The following HCRTR1 variants were observed in gnomAD, a reference collection of about 807,000 sequenced individuals.
The protein encoded by HCRTR1 is orexin/Hypocretin receptor type 1.
A neutral mutation model predicts 40.6 loss-of-function variants in HCRTR1; 28 were observed. That is an observed-to-expected ratio of 0.69 (90% CI 0.51 to 0.95). The LOEUF (loss-of-function observed/expected upper bound fraction) is 0.95, where lower values mean the gene tolerates loss of function less well. Among genes scored for constraint, HCRTR1 ranks in the 40% least tolerant of loss-of-function variants. HCRTR1 has a pLI of 0.00. For missense variants in HCRTR1, 482 were observed against 564.7 expected, an observed-to-expected ratio of 0.85 and a Z score of 1.48; for synonymous variants, 209 against 230.0, an observed-to-expected ratio of 0.91 and a Z score of 0.83.
rs1047819328 is a variant in HCRTR1, at chr1:31,619,818, T to C, written c.378+108T>C. 3.9e-6 allele frequency: 4 copies of C among 1,022,632 alleles called. No homozygotes were observed. In the African/African-American group the frequency reaches 6.4e-5, roughly 16 times the overall value. The allele number at this position is 1,022,632 out of a possible 1,614,324, so 63.3% of individuals were successfully genotyped here. On this transcript the variant is annotated intron_variant, in intron 4 of 8. Coordinates refer to ENST00000403528, the MANE Select transcript of HCRTR1 (RefSeq NM_001525.3). ...CAGACTTGCCTTTCAGACAGGTCAG[T>C]GGCTCATGACCCCTGAAGTGTCATC...
intron 6 of HCRTR1, among the ~76,000 whole-genome samples, chr1:31,622,854 C>T (rs1447521798): frequency 1.3e-5 from 2 of 152,150 alleles, no homozygotes; most frequent in Non-Finnish European, 2.9e-5. Context: ...ACCCCCACCC[C>T]TACCCTCAAA....
chr1:31,622,704 G>A (rs958205946), intron 6 of HCRTR1, among the ~76,000 whole-genome samples: 8 of 152,156 alleles, frequency 5.3e-5, no homozygotes, highest in Non-Finnish European at 1.0e-4. Flanking sequence ...TGAGTGTCCG[G>A]TGGCAGGAGA....
At position 31,625,214 on chromosome 1, in the gene HCRTR1, G is replaced by A. The variant is rs1354369462; in HGVS notation, c.1087+96G>A. On this transcript the variant is annotated intron_variant, in intron 8 of 8. Transcript: ENST00000403528. The surrounding 1 kb of genome is among the most constrained non-coding windows in gnomAD (Gnocchi z 4.2). Reference sequence around the variant, plus strand: ...AGCCAGGGCCCAAATAAAGGATGGTGGGTGAGGATGTACCTGCTGTGGGCA... The same window carrying A: ...AGCCAGGGCCCAAATAAAGGATGGTAGGTGAGGATGTACCTGCTGTGGGCA... 3 of 1,374,368 alleles carry A rather than the reference G, an allele frequency of 2.2e-6. No individual in the cohort carries two copies. The South Asian group carries it at 4.4e-5, about 20-fold the overall frequency. The allele number at this position is 1,374,368 out of a possible 1,614,324, so 85.1% of individuals were successfully genotyped here.
chr1:31,631,441 A>G (rs1557583657), downstream of HCRTR1, among the ~76,000 whole-genome samples: 1 of 152,180 alleles, frequency 6.6e-6, no homozygotes, highest in Non-Finnish European at 1.5e-5. Flanking sequence ...GGTCTCTTGG[A>G]GCATCCTGTC....
chr1:31,621,523 C>T lies in HCRTR1; in HGVS notation c.669C>T (p.Thr223=). ...KIYHSCFFIV[T]YLAPLGLMAM... The stretch of plus-strand genomic sequence containing the variant: ...ACCACAGTTGCTTCTTTATTGTCAC[C>T]TACCTGGCCCCACTGGGCCTCATGG... The change falls in exon 6 of 9, where the codon ACC becomes ACT. Residue 223 remains threonine (T), a synonymous_variant. Transcript: ENST00000403528. 6.2e-7 allele frequency: 1 copy of T among 1,614,154 alleles called. No homozygotes were observed. Among genetic ancestry groups the T allele is most frequent in the Non-Finnish European group, 8.5e-7 (1 of 1,180,002 alleles).
At chr1:31,620,702 A>G (rs1639833643) in intron 4 of HCRTR1, 141 bp from the exon 5 acceptor site, 1 of 1,057,860 alleles carries the variant, frequency 9.5e-7, no homozygotes, top group African/African-American at 1.6e-5. Flanking sequence ...AGGGTGAGTG[A>G]CTTGCCCACA....
rs545611444 is a variant in HCRTR1 at position 31,619,651 on chromosome 1, G to A, written c.319G>A (p.Asp107Asn). The A allele has an allele frequency of 5.5e-5, 88 of 1,613,700 alleles. 2 individuals are homozygous for A. The Middle Eastern group carries it at 6.6e-4, about 12-fold the overall frequency. Residue 107 changes from aspartate to asparagine, a missense_variant, in exon 4 of 9, where the codon GAC becomes AAC. Asp to Asn is a conservative substitution (Grantham distance 23, BLOSUM62 1). Coordinates refer to ENST00000403528, the MANE Select transcript of HCRTR1 (RefSeq NM_001525.3). ...CTGCCTGCCGGCCAGCCTGCTGGTG[G>A]ACATCACTGAGTCCTGGCTGTTCGG... The part of the protein sequence containing the change: ...AICLPASLLV[D>N]ITESWLFGHA...
At chr1:31,630,214 A>T (rs1339597700), downstream of HCRTR1, 5 of 249,384 alleles carry the variant, frequency 2.0e-5, no homozygotes, top group African/African-American at 1.1e-4. Context: ...GGCTCGTTTG[A>T]CAGGATGGCC....
chr1:31,630,785 C>G, downstream of HCRTR1: 1 of 1,613,630 alleles, frequency 6.2e-7, no homozygotes. Flanking sequence ...TGGGCAGTAG[C>G]GGGAGACCAG....
At chr1:31,632,444 GAGA>G, downstream of HCRTR1, 1 of 1,613,762 alleles carries the variant, frequency 6.2e-7, no homozygotes, top group Non-Finnish European at 8.5e-7. Context: ...AGGGTGTAAA[GAGA>G]AGAGTCTAGC....
downstream of HCRTR1, chr1:31,627,670 A>G (rs539248242): frequency 1.8e-5 from 5 of 279,598 alleles, no homozygotes; most frequent in South Asian, 6.6e-5. Context: ...GGAGCAGAAG[A>G]AGGTGGGGAA....
downstream of HCRTR1, chr1:31,633,415 A>T: frequency 1.1e-5 from 14 of 1,261,840 alleles, no homozygotes; most frequent in Non-Finnish European, 1.5e-5. Flanking sequence ...AGCTTCACAA[A>T]TTCACCTTCC....
rs528253942 is a variant in HCRTR1 at position 31,626,407 on chromosome 1, T to C, written c.1088-383T>C. On this transcript the variant is annotated intron_variant, in intron 8 of 8. Coordinates refer to ENST00000403528, the MANE Select transcript of HCRTR1 (RefSeq NM_001525.3). This position sits in a 1 kb window ranked among gnomAD's most constrained non-coding sequence, Gnocchi z 4.6. ...CTGCCAAATGCAAAAGGGCTGCTGC[T>C]GCCGTCATTTTCATCATCAAAGGGC... Among the ~76,000 whole-genome samples, 33 of 152,326 alleles carry C rather than the reference T, an allele frequency of 2.2e-4. No individual in the cohort carries two copies. The highest frequency in any genetic ancestry group is 3.4e-3 in the Middle Eastern group (1 of 294).
intron 6 of HCRTR1, among the ~76,000 whole-genome samples, chr1:31,622,274 T>C (rs1363956869): frequency 6.6e-6 from 1 of 152,032 alleles, no homozygotes; most frequent in Non-Finnish European, 1.5e-5. Context: ...AGTCCTGGAT[T>C]GGCGTCTGGG....
rs6663012 is a variant in HCRTR1, at chr1:31,626,178, T to A, written c.1088-612T>A. On this transcript the variant is annotated intron_variant, in intron 8 of 8. Coordinates refer to ENST00000403528, the MANE Select transcript of HCRTR1 (RefSeq NM_001525.3). This position sits in a 1 kb window ranked among gnomAD's most constrained non-coding sequence, Gnocchi z 4.6. Reference sequence around the variant, plus strand: ...TCCCTGGTATACTTGGGCTGAATAATGTGGTGTGGTGGTCCCTCCTTCCCT... The same window carrying A: ...TCCCTGGTATACTTGGGCTGAATAAAGTGGTGTGGTGGTCCCTCCTTCCCT... 1.3e-5 allele frequency among the ~76,000 whole-genome samples: 2 copies of A among 151,976 alleles called. No homozygotes were observed. The highest frequency in any genetic ancestry group is 2.9e-5 in the Non-Finnish European group (2 of 67,966).
chr1:31,634,210 A>G (rs1290017497), downstream of HCRTR1, among the ~76,000 whole-genome samples: 3 of 152,162 alleles, frequency 2.0e-5, no homozygotes, highest in East Asian at 1.9e-4. Context: ...TTCCTAAAAC[A>G]TCGGTGTCAT....
At position 31,627,147 on chromosome 1, in the gene HCRTR1, T is replaced by G; in HGVS notation, c.*167T>G. On this transcript the variant is annotated 3_prime_UTR_variant, in exon 9 of 9. Transcript: ENST00000403528. ...GCTTGTGTCCCCTAAGCAGGGTTGATGTGAGGATTAAGCATGCTGAAGCAA... is the reference window on the plus strand; with the variant it reads ...GCTTGTGTCCCCTAAGCAGGGTTGAGGTGAGGATTAAGCATGCTGAAGCAA... The G allele has an allele frequency of 1.4e-6, 2 of 1,415,080 alleles. No individual in the cohort carries two copies. 87.7% of individuals were successfully genotyped at this position (1,415,080 alleles called of 1,614,324 possible).
chr1:31,623,312 A>AG (rs1557578483), intron 6 of HCRTR1, among the ~76,000 whole-genome samples: 1 of 146,814 alleles, frequency 6.8e-6, no homozygotes, highest in Non-Finnish European at 1.5e-5. Context: ...AAAAAAAAAA[A>AG]GAAAAGAAAA....
intron 6 of HCRTR1, among the ~76,000 whole-genome samples, chr1:31,622,526 C>T (rs1172537812): frequency 6.6e-6 from 1 of 152,042 alleles, no homozygotes; most frequent in African/African-American, 2.4e-5. Context: ...CCACAGACCC[C>T]CCAGCCAAGC....
Sources: gnomAD v4.1 joint callset for allele counts (sites outside exome capture counted in the v4.1 genomes callset) on GRCh38, gnomAD v4.1.1 for gene constraint, Gnocchi (gnomAD v3.1) non-coding constraint, MANE v1.5 for transcripts, NCBI Gene and HGNC (gene_info 2026-07-23, HGNC 2026-07-21) for gene names.